Variants in UNC13B observed in about 807,000 individuals in gnomAD.
UNC13B encodes the protein protein unc-13 homolog B.
In UNC13B, 144 loss-of-function variants were observed where a neutral mutation model predicts 211.0. The ratio of observed to expected loss-of-function variants is 0.68; its 90% confidence interval spans 0.60 to 0.78. The LOEUF (loss-of-function observed/expected upper bound fraction) is 0.78, where lower values mean the gene tolerates loss of function less well. Among genes scored for constraint, UNC13B ranks in the 30% least tolerant of loss-of-function variants. The pLI is 0.00. For synonymous variants in UNC13B, 709 were observed against 725.8 expected (o/e 0.98, Z 0.37); for missense variants, 1,777 against 2,002.0 (o/e 0.89, Z 2.14).
At chr9:35,291,023 A>G (rs1829072567) in intron 7 of UNC13B, 1 of 1,547,488 alleles carries the variant, frequency 6.5e-7, no homozygotes, top group Non-Finnish European at 8.7e-7. Context: ...TTCCTTCAAA[A>G]AAGTATTTTC....
chr9:35,251,385 A>G (rs909435561), intron 6 of UNC13B, among the ~76,000 whole-genome samples: 1 of 152,124 alleles, frequency 6.6e-6, no homozygotes, highest in African/African-American at 2.4e-5. Context: ...TCAGGATTTC[A>G]AGACCAGCCT....
intron 11 of UNC13B, chr9:35,352,532 C>T (rs1832779988): frequency 8.1e-7 from 1 of 1,231,960 alleles, no homozygotes; most frequent in Non-Finnish European, 1.0e-6. Flanking sequence ...TTCTTTAAAC[C>T]AGGATGAACC....
chr9:35,360,020 C>T (rs1442291041), intron 11 of UNC13B, among the ~76,000 whole-genome samples: 3 of 152,232 alleles, frequency 2.0e-5, no homozygotes, highest in African/African-American at 7.2e-5. Context: ...TTTGCTGTTT[C>T]TCCACACCAA....
At chr9:35,392,621 A>G (rs994800788) in intron 26 of UNC13B, among the ~76,000 whole-genome samples, 19 of 129,690 alleles carry the variant, frequency 1.5e-4, no homozygotes, top group Middle Eastern at 3.9e-3. Flanking sequence ...GAAGGGGAAC[A>G]TCACACTCTG....
intron 7 of UNC13B, among the ~76,000 whole-genome samples, chr9:35,264,836 C>A (rs1022217013): frequency 6.6e-6 from 1 of 152,188 alleles, no homozygotes; most frequent in African/African-American, 2.4e-5. Flanking sequence ...TTTGGACTTG[C>A]TTAGGACCTG....
At chr9:35,290,614 G>T (rs1388366637) in intron 7 of UNC13B, among the ~76,000 whole-genome samples, 1 of 151,220 alleles carries the variant, frequency 6.6e-6, no homozygotes, top group Non-Finnish European at 1.5e-5. Flanking sequence ...TGGTATCAGG[G>T]CTTAGCTTCT....
intron 7 of UNC13B, among the ~76,000 whole-genome samples, chr9:35,291,395 C>T (rs907442894): frequency 4.6e-5 from 7 of 152,168 alleles, no homozygotes; most frequent in Non-Finnish European, 7.3e-5. Flanking sequence ...TAGCATCAGC[C>T]CCCTAGTGTG....
chr9:35,206,872 CAA>C lies in UNC13B; in HGVS notation c.23-21126_23-21125del, dbSNP rs35378310. Among the ~76,000 whole-genome samples the C allele has an allele frequency of 2.4e-3, 270 of 113,082 alleles. 1 individual carries two copies. The highest frequency in any genetic ancestry group is 5.5e-3 in the Admixed American group (61 of 11,142). The allele number at this position is 113,082 out of a possible 152,430, so 74.2% of individuals were successfully genotyped here. ...CTGGTGACAGAGTGAGACTCCATCTCAAAAAAAAAAAAAAAAAACACACACAC... is the reference window on the plus strand; with the variant it reads ...CTGGTGACAGAGTGAGACTCCATCTCAAAAAAAAAAAAAAAACACACACAC... On this transcript the variant is annotated intron_variant, in intron 1 of 39. Coordinates refer to ENST00000635942, the MANE Select transcript of UNC13B (RefSeq NM_001371189.2).
chr9:35,241,813 G>A (rs2131551930), intron 5 of UNC13B, among the ~76,000 whole-genome samples: 1 of 152,236 alleles, frequency 6.6e-6, no homozygotes, highest in African/African-American at 2.4e-5. Flanking sequence ...GGATGAGAAA[G>A]CACTATACAA....
chr9:35,258,639 T>C (rs964637461), intron 6 of UNC13B, among the ~76,000 whole-genome samples: 1 of 152,220 alleles, frequency 6.6e-6, no homozygotes, highest in African/African-American at 2.4e-5. Context: ...AAATCTTCTA[T>C]ACATTAGCCC....
intron 7 of UNC13B, among the ~76,000 whole-genome samples, chr9:35,265,232 A>T (rs1337347462): frequency 1.3e-5 from 2 of 152,176 alleles, no homozygotes; most frequent in Non-Finnish European, 2.9e-5. Context: ...TGGACATAGG[A>T]CCTGTGAGGA....
At chr9:35,190,087 C>A (rs569041581) in intron 1 of UNC13B, among the ~76,000 whole-genome samples, 1 of 152,150 alleles carries the variant, frequency 6.6e-6, no homozygotes, top group African/African-American at 2.4e-5. Context: ...AAGAAAGATC[C>A]GCAAAATTAA....
chr9:35,368,721 GT>G lies in UNC13B; in HGVS notation c.9462-1583del, dbSNP rs34611015. ...TTTCCCTGCAGCTTTGTCAGTATCTGTTTTTTTTTTTTTTAGTTTGTCTTCT... is the reference window on the plus strand; with the variant it reads ...TTTCCCTGCAGCTTTGTCAGTATCTGTTTTTTTTTTTTTAGTTTGTCTTCT... On this transcript the variant is annotated intron_variant, in intron 12 of 39. Transcript: ENST00000635942. Among the ~76,000 whole-genome samples the G allele has an allele frequency of 5.7e-3, 769 of 135,660 alleles. 2 individuals carry two copies. Among genetic ancestry groups the G allele is most frequent in the Middle Eastern group, 0.022 (5 of 226 alleles). 89.0% of individuals were successfully genotyped at this position (135,660 alleles called of 152,430 possible).
intron 11 of UNC13B, among the ~76,000 whole-genome samples, chr9:35,339,324 C>T (rs138505057): frequency 0.014 from 2,191 of 152,294 alleles, 27 homozygotes; most frequent in Non-Finnish European, 0.02. Flanking sequence ...AAAAGCACCC[C>T]ATCCTTTCGG....
chr9:35,348,747 C>A (rs921018293), intron 11 of UNC13B, among the ~76,000 whole-genome samples: 4 of 152,262 alleles, frequency 2.6e-5, no homozygotes, highest in Middle Eastern at 3.4e-3. Flanking sequence ...ATTATCTCCC[C>A]CACTTTACAG....
chr9:35,357,308 T>C (rs1307861328), intron 11 of UNC13B, among the ~76,000 whole-genome samples: 1 of 152,210 alleles, frequency 6.6e-6, no homozygotes, highest in Non-Finnish European at 1.5e-5. Context: ...TGGTTTTGAT[T>C]TGTGTTTCTC....
rs970962588 is a variant in UNC13B at position 35,303,149 on chromosome 9, A to G, written c.3745A>G (p.Ile1249Val). The G allele has an allele frequency of 2.0e-5, 8 of 398,646 alleles. No individual in the cohort carries two copies. Among genetic ancestry groups the G allele is most frequent in the African/African-American group, 1.2e-4 (6 of 48,626 alleles). The allele number at this position is 398,646 out of a possible 1,614,324, so 24.7% of individuals were successfully genotyped here. A position where few individuals can be genotyped will look rare whatever the true frequency, so the allele number is the denominator to read the frequency against. ...HVEKHETSSFIEASLLPKENI... is the reference protein window; with the variant it reads ...HVEKHETSSFVEASLLPKENI... Reference sequence around the variant, plus strand: ...TGAAAAACATGAAACTTCTAGCTTCATAGAAGCCTCCTTATTACCTAAAGA... The same window carrying G: ...TGAAAAACATGAAACTTCTAGCTTCGTAGAAGCCTCCTTATTACCTAAAGA... Residue 1249 changes from isoleucine to valine, a missense_variant, in exon 9 of 40, where the codon ATA becomes GTA. Physicochemically the swap from Ile to Val is conservative, Grantham distance 29 (BLOSUM62 3). Coordinates refer to ENST00000635942, the MANE Select transcript of UNC13B (RefSeq NM_001371189.2).
At chr9:35,257,765 T>C (rs1278606630) in intron 6 of UNC13B, among the ~76,000 whole-genome samples, 1 of 152,072 alleles carries the variant, frequency 6.6e-6, no homozygotes, top group Non-Finnish European at 1.5e-5. Context: ...GTATATTTTA[T>C]ATACAAAAAG....
At position 35,303,348 on chromosome 9, in the gene UNC13B, A is replaced by G; in HGVS notation, c.3944A>G (p.His1315Arg). ...KSMAKRQMPNHVLEAKLHENS... is the reference protein window; with the variant it reads ...KSMAKRQMPNRVLEAKLHENS... Reference sequence around the variant, plus strand: ...ATGGCTAAGAGGCAAATGCCAAACCATGTTCTTGAGGCAAAACTACATGAA... The same window carrying G: ...ATGGCTAAGAGGCAAATGCCAAACCGTGTTCTTGAGGCAAAACTACATGAA... Residue 1315 changes from histidine (H) to arginine (R), a missense_variant, in exon 9 of 40, where the codon CAT becomes CGT. His to Arg is a conservative substitution (Grantham distance 29, BLOSUM62 0). Transcript: ENST00000635942. 2.5e-6 allele frequency: 1 copy of G among 398,692 alleles called. No homozygotes were observed. The highest frequency in any genetic ancestry group is 4.4e-6 in the Non-Finnish European group (1 of 225,808). 24.7% of individuals were successfully genotyped at this position (398,692 alleles called of 1,614,324 possible).
Sources: gnomAD v4.1 joint callset for allele counts (sites outside exome capture counted in the v4.1 genomes callset) on GRCh38, gnomAD v4.1.1 for gene constraint, MANE v1.5 for transcripts, NCBI Gene and HGNC (gene_info 2026-07-23, HGNC 2026-07-21) for gene names.